The following DOCK8 variants were observed in gnomAD, a reference collection of about 807,000 sequenced individuals.
DOCK8 encodes the protein dedicator of cytokinesis protein 8.
A neutral mutation model predicts 245.6 loss-of-function variants in DOCK8; 141 were observed. The ratio of observed to expected loss-of-function variants is 0.57; its 90% confidence interval spans 0.50 to 0.66. The LOEUF (loss-of-function observed/expected upper bound fraction) is 0.66, where lower values mean the gene tolerates loss of function less well. Among genes scored for constraint, DOCK8 ranks in the 30% least tolerant of loss-of-function variants. The pLI is 0.00. For synonymous variants in DOCK8, 1,168 were observed against 970.2 expected, an observed-to-expected ratio of 1.20 and a Z score of -3.79; for missense variants, 2,965 against 2,603.4, an observed-to-expected ratio of 1.14 and a Z score of -3.02.
At chr9:274,932 A>C (rs577362034) in intron 2 of DOCK8, among the ~76,000 whole-genome samples, 7 of 152,334 alleles carry the variant, frequency 4.6e-5, no homozygotes, top group South Asian at 2.1e-4. Flanking sequence ...TGATTGTTTA[A>C]TTTTAAAAAG....
At chr9:404,865 C>T (rs369075711) in intron 26 of DOCK8, 53 bp from the exon 27 acceptor site, 10 of 1,605,648 alleles carry the variant, frequency 6.2e-6, no homozygotes, top group South Asian at 2.2e-5. Context: ...CCAACCTCAA[C>T]TCCACTTACC....
intron 46 of DOCK8, among the ~76,000 whole-genome samples, chr9:453,508 C>T (rs1294450168): frequency 6.6e-6 from 1 of 152,196 alleles, no homozygotes; most frequent in African/African-American, 2.4e-5. Flanking sequence ...CTCACTGCAA[C>T]CTCCACTTCC....
rs111633439 is a variant in DOCK8, at chr9:330,434, T to C, written c.1045-1964T>C. ...ATGTTAAATTTCCCATCTTAAAGAG[T>C]TTACAATCCAGTTAAAAAAACAACT... On this transcript the variant is annotated intron_variant, in intron 9 of 47. Coordinates refer to ENST00000432829, the MANE Select transcript of DOCK8 (RefSeq NM_203447.4). 7.2e-3 allele frequency among the ~76,000 whole-genome samples: 1,091 copies of C among 152,042 alleles called. 16 individuals are homozygous for C. Among genetic ancestry groups the C allele is most frequent in the African/African-American group, 0.025 (1,050 of 41,478 alleles).
chr9:370,818 C>T (rs1000509555), intron 16 of DOCK8, among the ~76,000 whole-genome samples: 4 of 152,140 alleles, frequency 2.6e-5, no homozygotes, highest in African/African-American at 7.2e-5. Context: ...CAGTGTTGGA[C>T]GGAATTGGGT....
intron 14 of DOCK8, among the ~76,000 whole-genome samples, chr9:354,223 T>G (rs2052316948): frequency 6.6e-6 from 1 of 152,074 alleles, no homozygotes; most frequent in South Asian, 2.1e-4. Context: ...TCCCAGCTAC[T>G]CGGGAGGCTG....
intron 14 of DOCK8, among the ~76,000 whole-genome samples, chr9:346,508 C>T (rs1053147976): frequency 1.3e-5 from 2 of 152,212 alleles, no homozygotes; most frequent in Non-Finnish European, 2.9e-5. Context: ...AAAAGAGCCA[C>T]ATAAAGTACG....
intron 39 of DOCK8, among the ~76,000 whole-genome samples, chr9:436,038 T>C (rs1434727696): frequency 6.6e-6 from 1 of 152,252 alleles, no homozygotes; most frequent in African/African-American, 2.4e-5. Flanking sequence ...TTTTGTGATG[T>C]TGTATGAACC....
intron 14 of DOCK8, among the ~76,000 whole-genome samples, chr9:348,432 G>T (rs910467933): frequency 5.9e-5 from 9 of 152,278 alleles, no homozygotes; most frequent in Non-Finnish European, 1.3e-4. Context: ...TGGTGTTACA[G>T]CCCATATAGA....
At chr9:254,112 T>A (rs1026251009) in intron 1 of DOCK8, among the ~76,000 whole-genome samples, 5 of 152,204 alleles carry the variant, frequency 3.3e-5, no homozygotes, top group African/African-American at 1.2e-4. Flanking sequence ...AACCCTGATA[T>A]TGACAGTAAG....
At chr9:368,513 TACAC>T (rs1290831134) in intron 15 of DOCK8, 1 of 568,496 alleles carries the variant, frequency 1.8e-6, no homozygotes. Flanking sequence ...CACTGTGTTA[TACAC>T]ACACAGTGTT....
intron 34 of DOCK8, 146 bp from the exon 35 acceptor site, chr9:428,216 A>T: frequency 1.6e-6 from 2 of 1,242,406 alleles, no homozygotes; most frequent in Non-Finnish European, 2.3e-6. Flanking sequence ...TCCCATGGTT[A>T]ATGGATGATA....
intron 14 of DOCK8, among the ~76,000 whole-genome samples, chr9:355,233 C>G (rs1442771063): frequency 1.5e-5 from 2 of 132,756 alleles, no homozygotes; most frequent in East Asian, 4.5e-4. Context: ...GAGACAGAGT[C>G]TCGCTCTGTC....
intron 26 of DOCK8, among the ~76,000 whole-genome samples, chr9:400,322 C>T (rs1340323491): frequency 7.7e-5 from 6 of 77,518 alleles, no homozygotes; most frequent in Admixed American, 1.3e-4. Context: ...ACCACCACCT[C>T]CACCACCACC....
chr9:288,371 A>G (rs1244679431), intron 3 of DOCK8, among the ~76,000 whole-genome samples: 3 of 152,180 alleles, frequency 2.0e-5, no homozygotes, highest in Admixed American at 6.6e-5. Context: ...GCCTGGATTC[A>G]GGTCCCTGCT....
chr9:378,513 G>A (rs895445432), intron 20 of DOCK8, among the ~76,000 whole-genome samples: 1 of 152,192 alleles, frequency 6.6e-6, no homozygotes, highest in African/African-American at 2.4e-5. Context: ...CAGATCAAAC[G>A]TCCTGTGTTG....
At position 370,226 on chromosome 9, in the gene DOCK8, A is replaced by T. The variant is rs774596616; in HGVS notation, c.1798-4A>T. 24 of 1,613,134 alleles carry T rather than the reference A, an allele frequency of 1.5e-5. No homozygotes were observed. The highest frequency in any genetic ancestry group is 1.9e-5 in the Non-Finnish European group (22 of 1,179,160). The stretch of plus-strand genomic sequence containing the variant: ...AATTTGATCCTTTCTCTACTGGTGA[A>T]CAGGTCATCTTTGGAAAATCCAGCG... On this transcript the variant is annotated splice_polypyrimidine_tract_variant and splice_region_variant and intron_variant, in intron 15 of 47. Transcript: ENST00000432829.
intron 23 of DOCK8, among the ~76,000 whole-genome samples, chr9:386,974 C>T (rs955302592): frequency 6.6e-6 from 1 of 152,172 alleles, no homozygotes; most frequent in African/African-American, 2.4e-5. Context: ...AGCTGTTAAA[C>T]TGCTTACCAG....
In DOCK8 at chr9:449,994, C is replaced by T. The variant is rs576924059; in HGVS notation, c.5961+67C>T. 71 of 1,563,732 alleles carry T rather than the reference C, an allele frequency of 4.5e-5. No individual in the cohort carries two copies. The African/African-American group carries it at 8.3e-4, about 18-fold the overall frequency. On this transcript the variant is annotated intron_variant, in intron 45 of 47. Transcript: ENST00000432829. ...TTTAGGTTGTCATTATACGTCTGCA[C>T]CCTTCTTCCTTGGGGTTGATGAGGA...
chr9:283,648 G>A (rs936450414), intron 2 of DOCK8, among the ~76,000 whole-genome samples: 7 of 152,098 alleles, frequency 4.6e-5, no homozygotes, highest in Non-Finnish European at 1.0e-4. Flanking sequence ...TGTGATATCT[G>A]TCTTTCTGTT....
Sources: allele counts gnomAD v4.1 joint callset (sites outside exome capture counted in the v4.1 genomes callset), GRCh38; gene constraint gnomAD v4.1.1; transcripts MANE v1.5; gene names NCBI Gene and HGNC (gene_info 2026-07-23, HGNC 2026-07-21).